AUTS2: variants seen among roughly 807,000 people sequenced by gnomAD.
AUTS2 encodes activator of transcription and developmental regulator AUTS2, also known as autism susceptibility gene 2 protein.
AUTS2 carries 17 observed loss-of-function variants against 112.4 expected under a neutral mutation model. The observed-to-expected ratio is 0.15, with a 90% CI of 0.10 to 0.23. The LOEUF (loss-of-function observed/expected upper bound fraction) is 0.23. AUTS2 is among the 10% of genes least tolerant of loss of function. The pLI, the probability that AUTS2 is intolerant of heterozygous loss-of-function variation, is 1.00. For synonymous variants in AUTS2, 751 were observed against 702.7 expected, an observed-to-expected ratio of 1.07 and a Z score of -1.09; for missense variants, 1,510 against 1,701.6, an observed-to-expected ratio of 0.89 and a Z score of 1.98.
chr7:69,909,485 A>AT (rs35978428), intron 2 of AUTS2, among the ~76,000 whole-genome samples: 1 of 152,082 alleles, frequency 6.6e-6, no homozygotes, highest in South Asian at 2.1e-4. Flanking sequence ...AGGTTTATAC[A>AT]TTTTTTGAAC....
chr7:70,504,326 A>G (rs1798882138), intron 5 of AUTS2, among the ~76,000 whole-genome samples: 1 of 151,946 alleles, frequency 6.6e-6, no homozygotes. Flanking sequence ...GTGACCCCAT[A>G]TCACACCTTT....
chr7:70,556,627 C>T (rs1801259928), intron 5 of AUTS2, among the ~76,000 whole-genome samples: 1 of 152,190 alleles, frequency 6.6e-6, no homozygotes, highest in Admixed American at 6.5e-5. Context: ...TAACCATCCC[C>T]TAAGTTCAAT....
chr7:70,417,388 G>A (rs1404683621), intron 4 of AUTS2, among the ~76,000 whole-genome samples: 2 of 152,178 alleles, frequency 1.3e-5, no homozygotes, highest in East Asian at 1.9e-4. Context: ...ATAGCTGACC[G>A]TGGCAATGGC....
At chr7:70,388,578 C>T (rs898170888) in intron 4 of AUTS2, among the ~76,000 whole-genome samples, 2 of 152,142 alleles carry the variant, frequency 1.3e-5, no homozygotes, top group African/African-American at 4.8e-5. Context: ...TTGTAGCAAA[C>T]CTGCCATCAT....
intron 5 of AUTS2, among the ~76,000 whole-genome samples, chr7:70,621,966 C>T (rs1804700696): frequency 6.7e-6 from 1 of 149,324 alleles, no homozygotes. Flanking sequence ...CCTGCCTCAG[C>T]CTCGCGAGTA....
intron 4 of AUTS2, among the ~76,000 whole-genome samples, chr7:70,302,461 AGTTTTAGT>A (rs1789261713): frequency 6.6e-6 from 1 of 152,114 alleles, no homozygotes; most frequent in Non-Finnish European, 1.5e-5. Context: ...TACTATAACT[AGTTTTAGT>A]GTTATAGTCA....
chr7:70,775,231 G>A, intron 12 of AUTS2, 126 bp from the exon 13 acceptor site: 1 of 815,490 alleles, frequency 1.2e-6, no homozygotes, highest in East Asian at 2.6e-5. Flanking sequence ...TCTCTAAAAG[G>A]GCTTCATTTA....
chr7:70,108,783 CAAAAAAAAAAAAAAAAAA>C (rs528009205), intron 2 of AUTS2, among the ~76,000 whole-genome samples: 16 of 69,176 alleles, frequency 2.3e-4, no homozygotes, highest in East Asian at 5.0e-4. Flanking sequence ...GCCAACATGG[CAAAAAAAAAAAAAAAAAA>C]AAAAAAAAAA....
intron 3 of AUTS2, among the ~76,000 whole-genome samples, chr7:70,125,809 C>T (rs933075723): frequency 1.3e-5 from 2 of 152,190 alleles, no homozygotes; most frequent in African/African-American, 4.8e-5. Context: ...CTCTGTCTTA[C>T]CCAATTTCTA....
intron 4 of AUTS2, among the ~76,000 whole-genome samples, chr7:70,418,509 T>C (rs1585122721): frequency 6.6e-6 from 1 of 152,224 alleles, no homozygotes; most frequent in East Asian, 1.9e-4. Context: ...CGTATCTTTC[T>C]AACTTGTGAG....
chr7:70,431,388 T>G (rs1317710505), intron 4 of AUTS2, among the ~76,000 whole-genome samples: 2 of 152,082 alleles, frequency 1.3e-5, no homozygotes, highest in East Asian at 3.9e-4. Flanking sequence ...AGTAAATATG[T>G]TTTTTTTGTT....
chr7:70,476,074 A>G (rs1020340751), intron 5 of AUTS2, among the ~76,000 whole-genome samples: 1 of 152,188 alleles, frequency 6.6e-6, no homozygotes, highest in Non-Finnish European at 1.5e-5. Flanking sequence ...ATACAATTCC[A>G]TATAGGATCT....
At chr7:70,482,419 TA>T (rs1374076083) in intron 5 of AUTS2, among the ~76,000 whole-genome samples, 2 of 151,940 alleles carry the variant, frequency 1.3e-5, no homozygotes, top group African/African-American at 4.8e-5. Flanking sequence ...GGAATTTGAG[TA>T]AGGAAAAGGG....
chr7:69,648,541 C>T (rs1795145152), intron 1 of AUTS2, among the ~76,000 whole-genome samples: 5 of 149,606 alleles, frequency 3.3e-5, no homozygotes, highest in South Asian at 2.1e-4. Context: ...TTTCTATTAG[C>T]GAATAGAAAA....
intron 6 of AUTS2, among the ~76,000 whole-genome samples, chr7:70,725,984 T>C (rs1787005078): frequency 1.4e-5 from 2 of 145,546 alleles, no homozygotes; most frequent in South Asian, 4.3e-4. Context: ...ATCGTGCCAC[T>C]GCACTCCAGC....
intron 2 of AUTS2, among the ~76,000 whole-genome samples, chr7:69,967,669 A>G (rs1797686494): frequency 6.6e-6 from 1 of 152,160 alleles, no homozygotes; most frequent in Admixed American, 6.6e-5. Flanking sequence ...CTTTGCTGAC[A>G]CACTGCTTTT....
intron 4 of AUTS2, among the ~76,000 whole-genome samples, chr7:70,392,814 C>T (rs1479104898): frequency 6.6e-6 from 1 of 152,238 alleles, no homozygotes; most frequent in African/African-American, 2.4e-5. Context: ...CTTTAGACAC[C>T]ATTCAACCCT....
At chr7:70,467,905 C>T (rs940231145) in intron 5 of AUTS2, among the ~76,000 whole-genome samples, 4 of 152,148 alleles carry the variant, frequency 2.6e-5, no homozygotes, top group Non-Finnish European at 4.4e-5. Context: ...CTGTCCTGCT[C>T]CTTTCCAAAA....
chr7:70,503,150 A>C (rs1798831907), intron 5 of AUTS2, among the ~76,000 whole-genome samples: 1 of 151,974 alleles, frequency 6.6e-6, no homozygotes, highest in South Asian at 2.1e-4. Flanking sequence ...CTAGTCGGTT[A>C]TTTCACTCAG....
Sources: gnomAD v4.1 joint callset for allele counts (sites outside exome capture counted in the v4.1 genomes callset) on GRCh38, gnomAD v4.1.1 for gene constraint, MANE v1.5 for transcripts, NCBI Gene and HGNC (gene_info 2026-07-23, HGNC 2026-07-21) for gene names.